Variants in PPP1R42 observed in about 807,000 individuals in gnomAD.
PPP1R42 encodes leucine rich repeat containing 67.
PPP1R42 carries 34 observed loss-of-function variants against 31.0 expected under a neutral mutation model. The ratio of observed to expected loss-of-function variants is 1.10; its 90% CI spans 0.83 to 1.46. The LOEUF (loss-of-function observed/expected upper bound fraction) is 1.46. PPP1R42 is among the 40% of genes most tolerant of loss of function. PPP1R42 has a pLI of 0.00. For synonymous variants in PPP1R42, 103 were observed against 109.8 expected (o/e 0.94, Z 0.39); for missense variants, 268 against 303.0 (o/e 0.88, Z 0.86).
At chr8:67,014,914 A>G (rs749512983) in intron 2 of PPP1R42, among the ~76,000 whole-genome samples, 3 of 152,228 alleles carry the variant, frequency 2.0e-5, no homozygotes, top group Non-Finnish European at 4.4e-5. Flanking sequence ...TATTGTCTCA[A>G]CATTATAAAT....
At chr8:66,994,400 C>T (rs1171645263) in intron 5 of PPP1R42, among the ~76,000 whole-genome samples, 1 of 152,202 alleles carries the variant, frequency 6.6e-6, no homozygotes, top group Non-Finnish European at 1.5e-5. Context: ...TCAAGAATTT[C>T]AGTCCCTTGG....
intron 6 of PPP1R42, chr8:66,984,832 C>A (rs1051636998): frequency 1.3e-5 from 20 of 1,598,228 alleles, no homozygotes; most frequent in Non-Finnish European, 1.7e-5. Flanking sequence ...CAGGCCCAGC[C>A]TGACTTTTTC....
At chr8:66,986,087 C>A in intron 6 of PPP1R42, 1 of 728,428 alleles carries the variant, frequency 1.4e-6, no homozygotes, top group South Asian at 1.4e-5. Flanking sequence ...GATCGGCTGC[C>A]TTCTTCTTGT....
At chr8:67,024,244 T>C (rs765300590) in intron 1 of PPP1R42, among the ~76,000 whole-genome samples, 3 of 152,230 alleles carry the variant, frequency 2.0e-5, no homozygotes, top group Non-Finnish European at 2.9e-5. Flanking sequence ...TGAATGTTGA[T>C]GGTTATGAAA....
intron 7 of PPP1R42, among the ~76,000 whole-genome samples, chr8:66,973,664 G>C (rs1394136767): frequency 6.6e-6 from 1 of 151,922 alleles, no homozygotes; most frequent in Non-Finnish European, 1.5e-5. Context: ...TTTACCTTAG[G>C]TACAATATCG....
chr8:67,013,158 G>T, intron 3 of PPP1R42, 62 bp from the exon 4 acceptor site: 1 of 1,322,726 alleles, frequency 7.6e-7, no homozygotes, highest in Non-Finnish European at 1.0e-6. Context: ...TTTATTAAAC[G>T]TGACAAAAGT....
At chr8:67,024,449 G>A (rs896863303) in intron 1 of PPP1R42, among the ~76,000 whole-genome samples, 3 of 150,840 alleles carry the variant, frequency 2.0e-5, no homozygotes, top group Non-Finnish European at 4.4e-5. Flanking sequence ...AGTAGCTCAT[G>A]CCCTACAGGC....
intron 2 of PPP1R42, among the ~76,000 whole-genome samples, chr8:67,015,576 A>G (rs575325089): frequency 1.3e-5 from 2 of 151,742 alleles, no homozygotes; most frequent in African/African-American, 4.8e-5. Context: ...TATGTATATT[A>G]TATGAAAAAG....
Position 66,985,754 on chromosome 8 carries a change from GT to G in PPP1R42, c.670+2645del, listed in dbSNP as rs1814989382. ...GTAGGGGGGCTAATGAAGCACAGCT[GT>G]TTTTTCCTCTCCTGGATTTGCCATT... is the stretch of plus-strand genomic sequence containing the variant. On this transcript the variant is annotated intron_variant, in intron 6 of 7. Transcript: ENST00000685739. 6.4e-6 allele frequency: 8 copies of G among 1,255,386 alleles called. No individual in the cohort carries two copies. In the South Asian group the frequency reaches 9.6e-5, roughly 15 times the overall value. 77.8% of individuals were successfully genotyped at this position (1,255,386 alleles called of 1,614,324 possible). A position where few individuals can be genotyped will look rare whatever the true frequency, so the allele number is the denominator to read the frequency against.
chr8:67,005,103 CTT>C (rs766691539), intron 5 of PPP1R42, among the ~76,000 whole-genome samples: 13 of 120,808 alleles, frequency 1.1e-4, no homozygotes, highest in East Asian at 2.4e-4. Flanking sequence ...AATCCACCCA[CTT>C]TTTTTTTTTT....
chr8:67,019,392 C>G (rs1381826150), intron 1 of PPP1R42, among the ~76,000 whole-genome samples: 2 of 150,744 alleles, frequency 1.3e-5, no homozygotes, highest in African/African-American at 2.4e-5. Flanking sequence ...AGGCGCCCAC[C>G]ACCATGCCCG....
At chr8:66,965,530 G>C (rs914031367) in intron 7 of PPP1R42, among the ~76,000 whole-genome samples, 1 of 151,326 alleles carries the variant, frequency 6.6e-6, no homozygotes, top group African/African-American at 2.4e-5. Context: ...TTGAACTCCG[G>C]GGATCAAGTG....
At chr8:66,980,417 T>C (rs905291646) in intron 7 of PPP1R42, among the ~76,000 whole-genome samples, 10 of 151,812 alleles carry the variant, frequency 6.6e-5, no homozygotes, top group South Asian at 2.1e-4. Context: ...TTTTTATAGA[T>C]GAGGTTTCAC....
At chr8:66,996,381 A>T (rs73691181) in intron 5 of PPP1R42, among the ~76,000 whole-genome samples, 2,378 of 152,316 alleles carry the variant, frequency 0.016, 56 homozygotes, top group African/African-American at 0.053. Flanking sequence ...ATTAAGCTCA[A>T]TTAAGTATTC....
intron 7 of PPP1R42, among the ~76,000 whole-genome samples, chr8:66,975,140 G>A (rs2130916501): frequency 6.6e-6 from 1 of 152,196 alleles, no homozygotes; most frequent in East Asian, 1.9e-4. Flanking sequence ...TTTCATTTGT[G>A]TCTTGTTTAA....
intron 2 of PPP1R42, among the ~76,000 whole-genome samples, chr8:67,017,255 C>G (rs1816043224): frequency 6.6e-6 from 1 of 152,138 alleles, no homozygotes; most frequent in African/African-American, 2.4e-5. Flanking sequence ...AGGCGGATCA[C>G]TTCTTGAGCT....
chr8:67,013,752 T>C (rs1355932303), intron 3 of PPP1R42, among the ~76,000 whole-genome samples: 2 of 152,026 alleles, frequency 1.3e-5, no homozygotes, highest in Admixed American at 6.6e-5. Flanking sequence ...AATGAAGATA[T>C]CTGGGCCTAA....
At chr8:66,984,220 T>G (rs980654733) in intron 6 of PPP1R42, 14 of 1,529,232 alleles carry the variant, frequency 9.2e-6, no homozygotes, top group Non-Finnish European at 1.3e-5. Context: ...ATGAGCTATG[T>G]TCTCTATAGG....
chr8:66,984,661 G>T, intron 6 of PPP1R42: 1 of 1,437,926 alleles, frequency 7.0e-7, no homozygotes, highest in Non-Finnish European at 9.8e-7. Flanking sequence ...TCTGTGTTTT[G>T]CTGTGAGTTT....
Sources: allele counts gnomAD v4.1 joint callset (sites outside exome capture counted in the v4.1 genomes callset), GRCh38; gene constraint gnomAD v4.1.1; transcripts MANE v1.5; gene names NCBI Gene and HGNC (gene_info 2026-07-23, HGNC 2026-07-21).